FRMD4B: variants seen among roughly 807,000 people sequenced by gnomAD.
FRMD4B encodes FERM domain-containing protein 4B.
A neutral mutation model predicts 141.5 loss-of-function variants in FRMD4B; 74 were observed. The observed-to-expected ratio is 0.52, with a 90% CI of 0.43 to 0.63. The LOEUF is 0.63. Ranked by LOEUF, FRMD4B falls within the 30% of genes least tolerant of loss-of-function variation. The pLI, the probability that FRMD4B is intolerant of heterozygous loss-of-function variation, is 0.00. For missense variants in FRMD4B, 1,366 were observed against 1,253.4 expected (o/e 1.09, Z -1.36); for synonymous variants, 506 against 467.9 (o/e 1.08, Z -1.05).
chr3:69,337,947 C>A lies in FRMD4B; in HGVS notation c.163-24430G>T, dbSNP rs190961603. On this transcript the variant is annotated intron_variant, in intron 1 of 22. Transcript: ENST00000398540. ...AGAAATACCATTTGACCCAGCCATC[C>A]CATTACTGGGTATATACCCAAAGGA... Among the ~76,000 whole-genome samples the A allele has an allele frequency of 2.2e-3, 330 of 152,292 alleles. 1 individual carries two copies. Among genetic ancestry groups the A allele is most frequent in the African/African-American group, 7.7e-3 (321 of 41,564 alleles).
intron 2 of FRMD4B, among the ~76,000 whole-genome samples, chr3:69,418,624 C>A (rs2106800823): frequency 6.6e-6 from 1 of 152,258 alleles, no homozygotes; most frequent in South Asian, 2.1e-4. Flanking sequence ...CAGGGAACTG[C>A]AGGTGGCTTC....
At chr3:69,214,908 C>G (rs2093124241) in intron 11 of FRMD4B, among the ~76,000 whole-genome samples, 2 of 151,414 alleles carry the variant, frequency 1.3e-5, no homozygotes, top group African/African-American at 4.9e-5. Flanking sequence ...GAGATGAAGT[C>G]TCACCCTGTC....
At chr3:69,307,944 A>G (rs1374461806) in intron 3 of FRMD4B, among the ~76,000 whole-genome samples, 5 of 152,098 alleles carry the variant, frequency 3.3e-5, no homozygotes, top group African/African-American at 1.2e-4. Context: ...CCCTTGGGCA[A>G]ATGTACCTTG....
At chr3:69,484,270 G>C (rs17006001) in intron 1 of FRMD4B, among the ~76,000 whole-genome samples, 1 of 152,162 alleles carries the variant, frequency 6.6e-6, no homozygotes, top group Non-Finnish European at 1.5e-5. Flanking sequence ...TTGACTGCCC[G>C]GTCAGATTCC....
intron 19 of FRMD4B, among the ~76,000 whole-genome samples, chr3:69,184,627 T>C (rs1318351198): frequency 2.6e-5 from 4 of 152,232 alleles, no homozygotes; most frequent in Admixed American, 1.3e-4. Flanking sequence ...TCTTAAGTGA[T>C]TGGAGATGTG....
rs117465383 is a variant in FRMD4B at position 69,180,311 on chromosome 3, A to G, written c.2851+588T>C. Among the ~76,000 whole-genome samples the G allele has an allele frequency of 3.4e-3, 511 of 151,278 alleles. 14 individuals are homozygous for G. In the East Asian group the frequency reaches 0.073, roughly 22 times the overall value. On this transcript the variant is annotated intron_variant, in intron 21 of 22. Coordinates refer to ENST00000398540, the MANE Select transcript of FRMD4B (RefSeq NM_015123.3). ...CAGTGCTTAATCAATGCCAGCTCCTATAAGGATTCTTACGAGCCTTATGCA... is the reference window on the plus strand; with the variant it reads ...CAGTGCTTAATCAATGCCAGCTCCTGTAAGGATTCTTACGAGCCTTATGCA...
intron 17 of FRMD4B, 114 bp downstream of exon 17, chr3:69,193,534 G>GCT: frequency 1.6e-6 from 1 of 640,586 alleles, no homozygotes; most frequent in Non-Finnish European, 2.7e-6. Context: ...ACTTAGTTTT[G>GCT]ATCACCTGGT....
intron 1 of FRMD4B, among the ~76,000 whole-genome samples, chr3:69,538,959 A>C (rs1701124486): frequency 6.6e-6 from 1 of 152,240 alleles, no homozygotes; most frequent in African/African-American, 2.4e-5. Flanking sequence ...CCTGCTGATG[A>C]GCTGAGTACA....
chr3:69,407,278 ATAATG>A (rs1278416403), intron 2 of FRMD4B, among the ~76,000 whole-genome samples: 3 of 152,230 alleles, frequency 2.0e-5, no homozygotes, highest in African/African-American at 7.2e-5. Flanking sequence ...TGAGAAAGAA[ATAATG>A]TAATGTAAGT....
At chr3:69,195,612 T>G (rs1164659064) in intron 14 of FRMD4B, among the ~76,000 whole-genome samples, 6 of 152,150 alleles carry the variant, frequency 3.9e-5, no homozygotes, top group Non-Finnish European at 8.8e-5. Flanking sequence ...GATAAAATGC[T>G]TAACGTCCCA....
rs1042820781 is a variant in FRMD4B at position 69,477,945 on chromosome 3, G to T, written c.-128-45184C>A. 8.5e-4 allele frequency among the ~76,000 whole-genome samples: 129 copies of T among 152,190 alleles called. 1 individual carries two copies. In the East Asian group the frequency reaches 0.019, roughly 23 times the overall value. ...GGTTTAGTCTTGGGAGGGTGTATGT[G>T]TCCAGGAATTTATCCATTTCTTCTA... On this transcript the variant is annotated intron_variant, in intron 1 of 5. Transcript: ENST00000459638.
intron 1 of FRMD4B, among the ~76,000 whole-genome samples, chr3:69,455,275 G>A (rs904302052): frequency 6.6e-6 from 1 of 152,232 alleles, no homozygotes; most frequent in Non-Finnish European, 1.5e-5. Context: ...AGCAGTGATA[G>A]GTTCAGGTCT....
At chr3:69,298,723 C>T (rs6549197) in intron 4 of FRMD4B, among the ~76,000 whole-genome samples, 61,679 of 152,006 alleles carry the variant, frequency 0.41, 12,846 homozygotes, top group African/African-American at 0.48. Flanking sequence ...TCATCTCCTG[C>T]ATGCCTTTGC....
At chr3:69,458,964 T>C (rs1705663330) in intron 1 of FRMD4B, among the ~76,000 whole-genome samples, 1 of 151,238 alleles carries the variant, frequency 6.6e-6, no homozygotes, top group Admixed American at 6.6e-5. Flanking sequence ...GCTGACTCAC[T>C]CTGAAATGGG....
rs148325744 is a variant in FRMD4B at position 69,462,198 on chromosome 3, G to A, written c.-128-29437C>T. On this transcript the variant is annotated intron_variant, in intron 1 of 5. Coordinates refer to the FRMD4B transcript ENST00000459638. ...GTCTTCGTGAACAGTAACCAGAGCC[G>A]CAAGTAACCAGAGCTCAGTCTTGCC... Among the ~76,000 whole-genome samples the A allele has an allele frequency of 3.0e-3, 452 of 152,220 alleles. 3 individuals carry two copies. The highest frequency in any genetic ancestry group is 0.01 in the African/African-American group (433 of 41,542).
In FRMD4B at chr3:69,181,552, G is replaced by C; in HGVS notation, c.2198C>G (p.Thr733Arg). ...GTAATACTCTGTGCTTGATTGGCTT[G>C]TATAAGAAGACCCGTCATCGAGGAT... Reference protein sequence around the residue: ...TEILDDGSSYTSQSSTEYYCV... With the variant: ...TEILDDGSSYRSQSSTEYYCV... Residue 733 changes from threonine to arginine, a missense_variant, in exon 21 of 23, where the codon ACA becomes AGA. Coordinates refer to ENST00000398540, the MANE Select transcript of FRMD4B (RefSeq NM_015123.3). 2 of 1,613,942 alleles carry C rather than the reference G, an allele frequency of 1.2e-6. No individual in the cohort carries two copies. Among genetic ancestry groups the C allele is most frequent in the Admixed American group, 1.7e-5 (1 of 60,016 alleles).
chr3:69,535,337 A>G (rs1394341222), intron 1 of FRMD4B, among the ~76,000 whole-genome samples: 1 of 152,230 alleles, frequency 6.6e-6, no homozygotes, highest in Non-Finnish European at 1.5e-5. Flanking sequence ...CCTTGGCTGT[A>G]CAGTGAGGGG....
rs2092868240 is a variant in FRMD4B, at chr3:69,193,808, C to G, written c.1554G>C (p.Lys518Asn). The change falls in exon 17 of 23, where the codon AAG becomes AAC. Residue 518 changes from lysine (K) to asparagine (N), a missense_variant. Physicochemically the swap from Lys to Asn is moderately conservative, Grantham distance 94 (BLOSUM62 0). Transcript: ENST00000398540. ...AAAGGTCTGGCTCATTGGCAAGTTT[C>G]TTTGCAGCTTCCACCAGCTTTTGTT... ...LIQQKLVEAA[K>N]KLANEPDLCK... is the part of the protein sequence containing the mutation. The G allele has an allele frequency of 1.9e-6, 3 of 1,613,882 alleles. No individual in the cohort carries two copies. Among genetic ancestry groups the G allele is most frequent in the Non-Finnish European group, 2.5e-6 (3 of 1,179,778 alleles).
At chr3:69,361,427 T>C (rs1703467254) in intron 1 of FRMD4B, among the ~76,000 whole-genome samples, 1 of 152,196 alleles carries the variant, frequency 6.6e-6, no homozygotes, top group African/African-American at 2.4e-5. Context: ...TAAAAATACA[T>C]ATTTTAGGTA....
Sources: gnomAD v4.1 joint callset for allele counts (sites outside exome capture counted in the v4.1 genomes callset) on GRCh38, gnomAD v4.1.1 for gene constraint, MANE v1.5 for transcripts, NCBI Gene and HGNC (gene_info 2026-07-23, HGNC 2026-07-21) for gene names.